Variants in EIF2AK4 observed in about 807,000 individuals in gnomAD.
EIF2AK4 encodes the protein eukaryotic translation initiation factor 2 alpha kinase 4.
A neutral mutation model predicts 211.1 loss-of-function variants in EIF2AK4; 139 were observed. That is an observed-to-expected ratio of 0.66 (90% CI 0.57 to 0.76). The LOEUF (loss-of-function observed/expected upper bound fraction) is 0.76. EIF2AK4 is among the 30% of genes least tolerant of loss of function. The pLI, the probability that EIF2AK4 is intolerant of heterozygous loss-of-function variation, is 0.00. For synonymous variants in EIF2AK4, 710 were observed against 751.3 expected (o/e 0.94, Z 0.90); for missense variants, 1,664 against 2,043.8 (o/e 0.81, Z 3.58).
rs748493629 is a variant in EIF2AK4 at position 40,030,400 on chromosome 15, A to T, written c.4603A>T (p.Ser1535Cys). The change falls in exon 35 of 39, where the codon AGT becomes TGT. Residue 1535 changes from serine (S) to cysteine (C), a missense_variant. Physicochemically the swap from Ser to Cys is moderately radical, Grantham distance 112 (BLOSUM62 -1). Transcript: ENST00000263791. The stretch of plus-strand genomic sequence containing the variant: ...TGGAGCAACAGTGGTTCCCATTGTG[A>T]GTGTGCTAGCCCCGGAGAAGCTGTC... ...IHGATVVPIVSVLAPEKLSAS... is the reference protein window; with the variant it reads ...IHGATVVPIVCVLAPEKLSAS... 9.9e-6 allele frequency: 16 copies of T among 1,613,988 alleles called. No individual in the cohort carries two copies. The highest frequency in any genetic ancestry group is 1.1e-5 in the Non-Finnish European group (13 of 1,180,020).
At chr15:40,013,751 T>C (rs894939471) in intron 27 of EIF2AK4, among the ~76,000 whole-genome samples, 3 of 152,182 alleles carry the variant, frequency 2.0e-5, no homozygotes, top group Non-Finnish European at 2.9e-5. Context: ...CAGTTCAAGA[T>C]GAAATTTGCA....
chr15:39,968,714 C>T (rs1455619822), intron 9 of EIF2AK4, among the ~76,000 whole-genome samples: 1 of 152,124 alleles, frequency 6.6e-6, no homozygotes, highest in East Asian at 1.9e-4. Context: ...CCATTTGCAA[C>T]ATTTCTTTTA....
rs752094480 is a variant in EIF2AK4, at chr15:39,965,809, A to C, written c.983A>C (p.Gln328Pro). 5 of 1,613,976 alleles carry C rather than the reference A, an allele frequency of 3.1e-6. No individual in the cohort carries two copies. In the South Asian group the frequency reaches 3.3e-5, roughly 11 times the overall value. Residue 328 changes from glutamine (Q) to proline (P), a missense_variant, in exon 8 of 39, where the codon CAA becomes CCA. Around this residue, in one of 7 missense-constraint regions of EIF2AK4, gnomAD observed 641 missense variants for 729.6 expected, o/e 0.88. Transcript: ENST00000263791. ...AAAATGGGTCCATTCCTTACCAGTC[A>C]AGAAAAAGAGAAGATTGATAAGTGC... ...QKKMGPFLTSQEKEKIDKCKK... is the reference protein window; with the variant it reads ...QKKMGPFLTSPEKEKIDKCKK...
At position 40,024,794 on chromosome 15, in the gene EIF2AK4, T is replaced by C. The variant is rs1456256556; in HGVS notation, c.4390-1183T>C. Among the ~76,000 whole-genome samples, 37 of 150,192 alleles carry C rather than the reference T, an allele frequency of 2.5e-4. No homozygotes were observed. In the Admixed American group the frequency reaches 2.5e-3, roughly 10 times the overall value. On this transcript the variant is annotated intron_variant, in intron 32 of 38. Transcript: ENST00000263791. ...CCTATGTTGGAGTGCAGTGGCGCGA[T>C]CTCAGCTTACTGGAACCTGTCTCCC...
intron 35 of EIF2AK4, among the ~76,000 whole-genome samples, chr15:40,030,945 G>T (rs1396265314): frequency 6.6e-6 from 1 of 152,132 alleles, no homozygotes; most frequent in Admixed American, 6.6e-5. Context: ...AATAATAAAA[G>T]CAAATAAATA....
At chr15:40,020,753 G>T in intron 30 of EIF2AK4, 146 bp from the exon 31 acceptor site, 3 of 561,560 alleles carry the variant, frequency 5.3e-6, no homozygotes, top group Non-Finnish European at 5.6e-6. Flanking sequence ...GTGTTTTGAA[G>T]CAAAGTCTTT....
rs200482632 is a variant in EIF2AK4, at chr15:40,001,062, G to A, written c.2997G>A (p.Glu999=). ...CAGCCACAGAACTGCTCAAGAGTGA[G>A]CTGCTGCCCCCACCCCAGATGGAGG... is the stretch of plus-strand genomic sequence containing the variant. ...RPTATELLKS[E]LLPPPQMEES... is the part of the protein sequence containing the mutation. Residue 999 remains glutamate, a synonymous_variant, in exon 21 of 39, where the codon GAG becomes GAA. Transcript: ENST00000263791. 2.5e-6 allele frequency: 4 copies of A among 1,614,186 alleles called. No homozygotes were observed. In the Admixed American group the frequency reaches 6.7e-5, roughly 27 times the overall value.
chr15:40,033,664 A>AG (rs1685185230), intron 37 of EIF2AK4, among the ~76,000 whole-genome samples: 1 of 152,192 alleles, frequency 6.6e-6, no homozygotes, highest in South Asian at 2.1e-4. Flanking sequence ...CCACTATCTC[A>AG]CTGGCAGTGT....
chr15:39,994,017 G>T (rs555021475), intron 18 of EIF2AK4, among the ~76,000 whole-genome samples: 1 of 152,150 alleles, frequency 6.6e-6, no homozygotes, highest in East Asian at 1.9e-4. Flanking sequence ...CAGGGCTCAG[G>T]TTTCTTTCTG....
chr15:40,025,782 G>A (rs546345712), intron 32 of EIF2AK4, among the ~76,000 whole-genome samples, 195 bp from the exon 33 acceptor site: 18 of 152,268 alleles, frequency 1.2e-4, no homozygotes, highest in Admixed American at 2.0e-4. Flanking sequence ...ATCTCTGACC[G>A]CTACCTACTA....
intron 33 of EIF2AK4, among the ~76,000 whole-genome samples, chr15:40,028,173 G>A (rs1452082477): frequency 6.6e-6 from 1 of 151,498 alleles, no homozygotes; most frequent in Admixed American, 6.6e-5. Context: ...CCCAGGCTCA[G>A]GTGATCCTTC....
chr15:39,972,119 G>A (rs1011609079), intron 9 of EIF2AK4, among the ~76,000 whole-genome samples: 1 of 152,134 alleles, frequency 6.6e-6, no homozygotes, highest in African/African-American at 2.4e-5. Context: ...AGCACTTTGG[G>A]AGGCCGAGAC....
rs557836466 is a variant in EIF2AK4, at chr15:39,934,413, T to A, written c.144+74T>A. ...GGGCCCTGGGCCAAAGCCCGGACAC[T>A]TCCAGATTGGGCCGCCGCTTTAGGA... On this transcript the variant is annotated intron_variant, in intron 1 of 38. Transcript: ENST00000263791. 28 of 1,509,444 alleles carry A rather than the reference T, an allele frequency of 1.9e-5. No homozygotes were observed. The African/African-American group carries it at 3.3e-4, about 18-fold the overall frequency. 93.5% of individuals were successfully genotyped at this position (1,509,444 alleles called of 1,614,324 possible). A position where few individuals can be genotyped will look rare whatever the true frequency, so the allele number is the denominator to read the frequency against.
intron 21 of EIF2AK4, 51 bp downstream of exon 21, chr15:40,001,275 G>A: frequency 6.4e-7 from 1 of 1,567,710 alleles, no homozygotes; most frequent in Non-Finnish European, 8.7e-7. Flanking sequence ...TCCACAAAAG[G>A]ATCAAGCCAG....
At position 40,000,999 on chromosome 15, in the gene EIF2AK4, C is replaced by G. The variant is rs768111937; in HGVS notation, c.2934C>G (p.Ile978Met). The G allele has an allele frequency of 1.2e-6, 2 of 1,614,212 alleles. No homozygotes were observed. Among genetic ancestry groups the G allele is most frequent in the Non-Finnish European group, 1.7e-6 (2 of 1,180,042 alleles). The change falls in exon 21 of 39, where the codon ATC (isoleucine) becomes ATG (methionine). Residue 978 changes from isoleucine to methionine, a missense_variant. Physicochemically the swap from Ile to Met is conservative, Grantham distance 10. Transcript: ENST00000263791. Reference sequence around the variant, plus strand: ...GGGTTTTATTGTAGAAATCAGTCATCTCCTGGCTGTTGAACCACGATCCAG... The same window carrying G: ...GGGTTTTATTGTAGAAATCAGTCATGTCCTGGCTGTTGAACCACGATCCAG... ...DGEHAKQKSV[I>M]SWLLNHDPAK... is the part of the protein sequence containing the mutation.
chr15:40,026,316 G>T (rs1307429006), intron 33 of EIF2AK4, among the ~76,000 whole-genome samples: 1 of 152,092 alleles, frequency 6.6e-6, no homozygotes, highest in Non-Finnish European at 1.5e-5. Flanking sequence ...TGATTAGCTG[G>T]GCATGGTGGT....
At chr15:40,034,976 C>G in intron 38 of EIF2AK4, 51 bp from the exon 39 acceptor site, 1 of 1,433,156 alleles carries the variant, frequency 7.0e-7, no homozygotes, top group Non-Finnish European at 9.5e-7. Context: ...TAGCTCTGTT[C>G]TTCACTCATT....
intron 10 of EIF2AK4, 34 bp downstream of exon 10, chr15:39,973,048 G>T (rs772569333): frequency 1.3e-6 from 2 of 1,558,910 alleles, no homozygotes; most frequent in Non-Finnish European, 1.8e-6. Flanking sequence ...TTGGTAACCT[G>T]TTTGACATTA....
intron 27 of EIF2AK4, among the ~76,000 whole-genome samples, chr15:40,015,115 G>A (rs888499973): frequency 1.1e-4 from 16 of 152,134 alleles, no homozygotes; most frequent in Non-Finnish European, 1.8e-4. Flanking sequence ...CAAGTCTCTA[G>A]GAAGTTCCAA....
Sources: gnomAD v4.1 joint callset for allele counts (sites outside exome capture counted in the v4.1 genomes callset) on GRCh38, gnomAD v4.1.1 for gene constraint, gnomAD v4.1.1 regional missense constraint, MANE v1.5 for transcripts, NCBI Gene and HGNC (gene_info 2026-07-23, HGNC 2026-07-21) for gene names.